Variants in MVB12B observed in about 807,000 individuals in gnomAD.
MVB12B encodes the protein ESCRT-I complex subunit MVB12B.
A neutral mutation model predicts 41.6 loss-of-function variants in MVB12B; 16 were observed. That is an observed-to-expected ratio of 0.38 (90% confidence interval 0.26 to 0.58). The LOEUF is 0.58. Ranked by LOEUF, MVB12B falls within the 20% of genes least tolerant of loss-of-function variation. MVB12B has a pLI of 0.62. For missense variants in MVB12B, 274 were observed against 380.2 expected, an observed-to-expected ratio of 0.72 and a Z score of 2.32; for synonymous variants, 133 against 139.7, an observed-to-expected ratio of 0.95 and a Z score of 0.34.
intron 1 of MVB12B, chr9:126,335,242 C>T (rs1342853547): frequency 1.7e-6 from 2 of 1,202,316 alleles, no homozygotes; most frequent in African/African-American, 3.1e-5. Flanking sequence ...GGCTGGTCAC[C>T]AGGTAATCTG....
At chr9:126,450,740 C>G (rs1832873291) in intron 7 of MVB12B, among the ~76,000 whole-genome samples, 1 of 152,188 alleles carries the variant, frequency 6.6e-6, no homozygotes. Flanking sequence ...ATGCAGAAAC[C>G]AAGGCATAGA....
At chr9:126,476,366 G>A (rs1833419610) in intron 7 of MVB12B, among the ~76,000 whole-genome samples, 1 of 152,142 alleles carries the variant, frequency 6.6e-6, no homozygotes, top group African/African-American at 2.4e-5. Flanking sequence ...ACCTCTGGAG[G>A]GCAGATGTGA....
intron 2 of MVB12B, among the ~76,000 whole-genome samples, chr9:126,358,156 T>A (rs530521005): frequency 3.9e-4 from 59 of 152,304 alleles, no homozygotes; most frequent in African/African-American, 1.4e-3. Flanking sequence ...CTAGACTCTG[T>A]TTTATTCCAT....
intron 7 of MVB12B, among the ~76,000 whole-genome samples, chr9:126,452,550 AT>A (rs1166725353): frequency 6.6e-6 from 1 of 152,176 alleles, no homozygotes; most frequent in Admixed American, 6.5e-5. Flanking sequence ...CAGACTGGAA[AT>A]TGGTTCTATC....
intron 2 of MVB12B, among the ~76,000 whole-genome samples, chr9:126,380,511 T>A (rs1830603328): frequency 6.6e-6 from 1 of 152,216 alleles, no homozygotes; most frequent in African/African-American, 2.4e-5. Context: ...TTTCTCACCT[T>A]GAACCCCACT....
intron 4 of MVB12B, among the ~76,000 whole-genome samples, chr9:126,387,688 C>T (rs1830837143): frequency 6.6e-6 from 1 of 152,202 alleles, no homozygotes; most frequent in African/African-American, 2.4e-5. Context: ...ACCTGATAAT[C>T]ATAACAGCTG....
Position 126,475,860 on chromosome 9 carries a change from T to C in MVB12B, c.758-5509T>C, listed in dbSNP as rs1833409020. 2.0e-5 allele frequency among the ~76,000 whole-genome samples: 3 copies of C among 152,188 alleles called. No homozygotes were observed. In the South Asian group the frequency reaches 6.2e-4, roughly 32 times the overall value. On this transcript the variant is annotated intron_variant, in intron 7 of 9. Transcript: ENST00000361171. The stretch of plus-strand genomic sequence containing the variant: ...GCCTGGACAGTGAGACCCCCATCTC[T>C]ACAAAAAATAAAAGTCTATTTTCTA...
intron 6 of MVB12B, among the ~76,000 whole-genome samples, chr9:126,398,699 G>T (rs538044827): frequency 1.3e-5 from 2 of 152,210 alleles, no homozygotes; most frequent in Non-Finnish European, 2.9e-5. Flanking sequence ...CGGGGAATGC[G>T]GTTCTGAGCC....
chr9:126,458,005 GC>G (rs1833018839), intron 7 of MVB12B, among the ~76,000 whole-genome samples: 1 of 152,178 alleles, frequency 6.6e-6, no homozygotes, highest in African/African-American at 2.4e-5. Context: ...AAAGCGAATA[GC>G]CATTCTCACC....
intron 8 of MVB12B, among the ~76,000 whole-genome samples, 182 bp downstream of exon 8, chr9:126,481,606 G>A (rs926380561): frequency 6.6e-6 from 1 of 152,142 alleles, no homozygotes; most frequent in Non-Finnish European, 1.5e-5. Context: ...CCAGTGACAG[G>A]AACTCCTGAG....
intron 2 of MVB12B, among the ~76,000 whole-genome samples, chr9:126,379,811 C>T (rs529984233): frequency 3.9e-4 from 59 of 152,320 alleles, no homozygotes; most frequent in Middle Eastern, 3.4e-3. Flanking sequence ...CCCGCCTCCG[C>T]CCTGAGCCTG....
At chr9:126,351,887 G>A (rs1374301140) in intron 2 of MVB12B, among the ~76,000 whole-genome samples, 1 of 151,990 alleles carries the variant, frequency 6.6e-6, no homozygotes, top group Non-Finnish European at 1.5e-5. Context: ...TTTTCTGAGA[G>A]TTTTTATCAT....
In MVB12B at chr9:126,507,004, T is replaced by C. The variant is rs1254658377; in HGVS notation, c.*3741T>C. 1 of 152,698 alleles carries C rather than the reference T, an allele frequency of 6.5e-6. No individual in the cohort carries two copies. Among genetic ancestry groups the C allele is most frequent in the Non-Finnish European group, 1.5e-5 (1 of 68,060 alleles). The allele number at this position is 152,698 out of a possible 1,614,324, so 9.5% of individuals were successfully genotyped here. The stretch of plus-strand genomic sequence containing the variant: ...ACTGTGTGATTGTCTGTATTCTTAA[T>C]ATAATTTGTTAAATAAACGTTTGTT... On this transcript the variant is annotated 3_prime_UTR_variant, in exon 10 of 10. Coordinates refer to ENST00000361171, the MANE Select transcript of MVB12B (RefSeq NM_033446.3).
chr9:126,378,626 C>G (rs1242260656), intron 2 of MVB12B, among the ~76,000 whole-genome samples: 1 of 151,630 alleles, frequency 6.6e-6, no homozygotes, highest in Non-Finnish European at 1.5e-5. Flanking sequence ...TCTCTCTCTT[C>G]TCTGTCTCTC....
chr9:126,360,268 G>A (rs1468308781), intron 2 of MVB12B, among the ~76,000 whole-genome samples: 1 of 152,100 alleles, frequency 6.6e-6, no homozygotes, highest in Non-Finnish European at 1.5e-5. Flanking sequence ...ATTCCGTGTG[G>A]TCAGAGAACA....
intron 2 of MVB12B, among the ~76,000 whole-genome samples, chr9:126,369,296 T>C (rs1011673607): frequency 3.9e-5 from 6 of 152,252 alleles, no homozygotes; most frequent in African/African-American, 1.4e-4. Flanking sequence ...AAGTTTCTTC[T>C]TCAGGTCTAT....
chr9:126,391,950 AG>A lies in MVB12B; in HGVS notation c.410-114del. On this transcript the variant is annotated intron_variant, in intron 4 of 9. Transcript: ENST00000361171. The surrounding 1 kb of genome is among the most constrained non-coding windows in gnomAD (Gnocchi z 4.4). ...GCGCAGCCCTTCTGTCCAGCAGCTT[AG>A]GTGACCTGCCACTTCTGCTGCCAGG... 2 of 1,213,476 alleles carry A rather than the reference AG, an allele frequency of 1.6e-6. No homozygotes were observed. The highest frequency in any genetic ancestry group is 2.4e-6 in the Non-Finnish European group (2 of 837,642). 75.2% of individuals were successfully genotyped at this position (1,213,476 alleles called of 1,614,324 possible). A position where few individuals can be genotyped will look rare whatever the true frequency, so the allele number is the denominator to read the frequency against.
chr9:126,496,666 TGAGG>T (rs910244254), intron 9 of MVB12B, among the ~76,000 whole-genome samples: 54 of 152,044 alleles, frequency 3.6e-4, no homozygotes, highest in African/African-American at 1.2e-3. Flanking sequence ...CTTTGCCACT[TGAGG>T]GAGGAGGAGT....
At chr9:126,341,790 A>G (rs758324032) in intron 2 of MVB12B, among the ~76,000 whole-genome samples, 1 of 152,186 alleles carries the variant, frequency 6.6e-6, no homozygotes, top group Non-Finnish European at 1.5e-5. Context: ...ATGTCTCCAG[A>G]CGTAGCCAGA....
Sources: allele counts gnomAD v4.1 joint callset (sites outside exome capture counted in the v4.1 genomes callset), GRCh38; gene constraint gnomAD v4.1.1; non-coding constraint Gnocchi (gnomAD v3.1); transcripts MANE v1.5; gene names NCBI Gene and HGNC (gene_info 2026-07-23, HGNC 2026-07-21).